Variants in GRXCR1 observed in about 807,000 individuals in gnomAD.
GRXCR1 encodes glutaredoxin and cysteine rich domain containing 1, also known as glutaredoxin domain-containing cysteine-rich protein 1.
A neutral mutation model predicts 27.3 loss-of-function variants in GRXCR1; 27 were observed. That is an observed-to-expected ratio of 0.99 (90% CI 0.73 to 1.37). GRXCR1 has a LOEUF of 1.37. Ranked by LOEUF, GRXCR1 falls within the 40% of genes most tolerant of loss-of-function variation. The pLI is 0.00. For missense variants in GRXCR1, 379 were observed against 354.4 expected, an observed-to-expected ratio of 1.07 and a Z score of -0.56; for synonymous variants, 122 against 131.1, an observed-to-expected ratio of 0.93 and a Z score of 0.47.
At chr4:42,914,320 G>A (rs1372515768) in intron 1 of GRXCR1, among the ~76,000 whole-genome samples, 1 of 152,126 alleles carries the variant, frequency 6.6e-6, no homozygotes. Flanking sequence ...CCAAGGCCAT[G>A]GGAGCCCACC....
At chr4:42,915,011 A>G (rs1196246986) in intron 1 of GRXCR1, among the ~76,000 whole-genome samples, 1 of 152,068 alleles carries the variant, frequency 6.6e-6, no homozygotes, top group African/African-American at 2.4e-5. Flanking sequence ...GCCATGTGGA[A>G]CTGTGAGTCA....
chr4:43,017,484 T>G (rs1456358614), intron 2 of GRXCR1, among the ~76,000 whole-genome samples: 1 of 152,212 alleles, frequency 6.6e-6, no homozygotes, highest in African/African-American at 2.4e-5. Flanking sequence ...AAAACTGAGA[T>G]AGTTCCTTTC....
At chr4:43,026,075 T>C (rs1713250871) in intron 3 of GRXCR1, among the ~76,000 whole-genome samples, 1 of 152,104 alleles carries the variant, frequency 6.6e-6, no homozygotes, top group African/African-American at 2.4e-5. Flanking sequence ...TAATAATTAG[T>C]AATATTATTA....
intron 2 of GRXCR1, among the ~76,000 whole-genome samples, chr4:42,976,126 G>A (rs1393176451): frequency 6.6e-6 from 1 of 151,980 alleles, no homozygotes; most frequent in Non-Finnish European, 1.5e-5. Flanking sequence ...GGTCTAGCAG[G>A]TCCATTGTTT....
At chr4:42,995,403 A>C (rs1048554498) in intron 2 of GRXCR1, among the ~76,000 whole-genome samples, 2 of 152,214 alleles carry the variant, frequency 1.3e-5, no homozygotes, top group Admixed American at 6.5e-5. Context: ...CATTTGTAGA[A>C]ATGATCCATT....
chr4:42,922,941 T>C (rs565461675), intron 1 of GRXCR1, among the ~76,000 whole-genome samples: 1 of 152,224 alleles, frequency 6.6e-6, no homozygotes, highest in South Asian at 2.1e-4. Flanking sequence ...CACTGTGCCC[T>C]TCCATCACCT....
At chr4:42,906,084 T>TA (rs1746583943) in intron 1 of GRXCR1, among the ~76,000 whole-genome samples, 2 of 152,340 alleles carry the variant, frequency 1.3e-5, no homozygotes, top group African/African-American at 4.8e-5. Flanking sequence ...CTATTTTTTT[T>TA]AAATCCATAT....
chr4:42,966,310 T>C (rs528838300), intron 2 of GRXCR1, among the ~76,000 whole-genome samples: 32 of 151,976 alleles, frequency 2.1e-4, no homozygotes, highest in Non-Finnish European at 4.3e-4. Flanking sequence ...AAAACCCACA[T>C]TGGAATGGAG....
chr4:43,008,370 T>A (rs1712631831), intron 2 of GRXCR1, among the ~76,000 whole-genome samples: 1 of 152,122 alleles, frequency 6.6e-6, no homozygotes, highest in South Asian at 2.1e-4. Flanking sequence ...CTGTGTTTCA[T>A]GAGAAGGGAA....
intron 2 of GRXCR1, among the ~76,000 whole-genome samples, chr4:42,987,910 C>T (rs2109789449): frequency 6.6e-6 from 1 of 152,280 alleles, no homozygotes; most frequent in Non-Finnish European, 1.5e-5. Context: ...AATTTCCTTG[C>T]TATCTACCTT....
At chr4:42,934,288 C>G (rs1283820929) in intron 1 of GRXCR1, among the ~76,000 whole-genome samples, 1 of 150,264 alleles carries the variant, frequency 6.7e-6, no homozygotes, top group Non-Finnish European at 1.5e-5. Context: ...TTTAGCATAT[C>G]CGAAGTACTG....
chr4:42,923,712 A>G (rs1747075687), intron 1 of GRXCR1, among the ~76,000 whole-genome samples: 1 of 152,024 alleles, frequency 6.6e-6, no homozygotes. Flanking sequence ...CACAAAAACC[A>G]AATCCTCAAA....
At chr4:42,915,928 G>A (rs1293559787) in intron 1 of GRXCR1, among the ~76,000 whole-genome samples, 1 of 151,692 alleles carries the variant, frequency 6.6e-6, no homozygotes, top group Non-Finnish European at 1.5e-5. Flanking sequence ...TGGGTTGGAG[G>A]CACATCTAAA....
intron 1 of GRXCR1, among the ~76,000 whole-genome samples, chr4:42,928,231 T>C (rs1318016961): frequency 6.6e-6 from 1 of 151,928 alleles, no homozygotes; most frequent in Non-Finnish European, 1.5e-5. Flanking sequence ...TATGGAGAAA[T>C]AGTCCTGCAC....
intron 2 of GRXCR1, among the ~76,000 whole-genome samples, chr4:42,983,757 TTC>T (rs1285270773): frequency 6.6e-6 from 1 of 152,050 alleles, no homozygotes; most frequent in Non-Finnish European, 1.5e-5. Flanking sequence ...CTTTTTAAAA[TTC>T]TTTTTTATTC....
At chr4:42,978,350 A>G (rs959023689) in intron 2 of GRXCR1, among the ~76,000 whole-genome samples, 3 of 152,038 alleles carry the variant, frequency 2.0e-5, no homozygotes, top group Non-Finnish European at 2.9e-5. Context: ...GAAAAATATC[A>G]TTGGTATTTT....
At chr4:42,943,908 G>A (rs772722236) in intron 1 of GRXCR1, among the ~76,000 whole-genome samples, 1 of 151,962 alleles carries the variant, frequency 6.6e-6, no homozygotes, top group Non-Finnish European at 1.5e-5. Flanking sequence ...GTATAGGACA[G>A]CACCTCTTCC....
intron 1 of GRXCR1, among the ~76,000 whole-genome samples, chr4:42,898,173 G>A (rs1459765514): frequency 6.6e-6 from 1 of 151,890 alleles, no homozygotes; most frequent in African/African-American, 2.4e-5. Flanking sequence ...AACATATCAT[G>A]TTATTATATA....
chr4:42,900,648 G>C (rs1031078067), intron 1 of GRXCR1, among the ~76,000 whole-genome samples: 1 of 152,158 alleles, frequency 6.6e-6, no homozygotes, highest in African/African-American at 2.4e-5. Context: ...GATTTTGTCA[G>C]ATGAGAAGGC....
Sources: gnomAD v4.1 joint callset for allele counts (sites outside exome capture counted in the v4.1 genomes callset) on GRCh38, gnomAD v4.1.1 for gene constraint, MANE v1.5 for transcripts, NCBI Gene and HGNC (gene_info 2026-07-23, HGNC 2026-07-21) for gene names.